DLGAP2: variants seen among roughly 807,000 people sequenced by gnomAD.
DLGAP2 encodes disks large-associated protein 2.
A neutral mutation model predicts 100.3 loss-of-function variants in DLGAP2; 26 were observed. The ratio of observed to expected loss-of-function variants is 0.26; its 90% CI spans 0.19 to 0.36. The LOEUF (loss-of-function observed/expected upper bound fraction) is 0.36. Ranked by LOEUF, DLGAP2 falls within the 10% of genes least tolerant of loss-of-function variation. The pLI, the probability that DLGAP2 is intolerant of heterozygous loss-of-function variation, is 1.00. For missense variants in DLGAP2, 1,858 were observed against 1,453.2 expected, an observed-to-expected ratio of 1.28 and a Z score of -4.53; for synonymous variants, 886 against 630.1, an observed-to-expected ratio of 1.41 and a Z score of -6.08.
chr8:1,378,455 A>C (rs1382782734), intron 3 of DLGAP2, among the ~76,000 whole-genome samples: 3 of 149,966 alleles, frequency 2.0e-5, no homozygotes, highest in African/African-American at 7.4e-5. Context: ...CATCCTGCGC[A>C]CACCTGACTT....
intron 2 of DLGAP2, among the ~76,000 whole-genome samples, chr8:1,056,819 A>G (rs927295812): frequency 6.6e-6 from 1 of 152,230 alleles, no homozygotes. Flanking sequence ...ACCAGCTGCA[A>G]TGAGTACATG....
At chr8:980,724 C>T (rs964617039) in intron 2 of DLGAP2, among the ~76,000 whole-genome samples, 1 of 152,064 alleles carries the variant, frequency 6.6e-6, no homozygotes, top group East Asian at 1.9e-4. Flanking sequence ...TCCGGGAGGA[C>T]ACGCTGGCTC....
intron 12 of DLGAP2, among the ~76,000 whole-genome samples, chr8:1,688,863 C>G (rs549406353): frequency 3.0e-4 from 45 of 152,328 alleles, no homozygotes; most frequent in South Asian, 6.2e-4. Context: ...GCCATAAGCC[C>G]TTTCAAATCA....
chr8:1,340,294 C>T (rs1287380102), intron 3 of DLGAP2, among the ~76,000 whole-genome samples: 1 of 152,180 alleles, frequency 6.6e-6, no homozygotes, highest in South Asian at 2.1e-4. Context: ...TCAGAGCAAA[C>T]AGGCAACCTA....
rs948787951 is a variant in DLGAP2, at chr8:868,753, CAG to C, written c.19-39158_19-39157del. 2.8e-4 allele frequency among the ~76,000 whole-genome samples: 43 copies of C among 152,290 alleles called. 1 individual carries two copies. Among genetic ancestry groups the C allele is most frequent in the African/African-American group, 9.9e-4 (41 of 41,564 alleles). ...TCACCTTGGAGTCCTCTTGCACAAA[CAG>C]TGTTCCCTCTTCAGGTGGATCACGT... On this transcript the variant is annotated intron_variant, in intron 1 of 14. Transcript: ENST00000637795.
At chr8:1,659,516 C>A (rs186425151) in intron 8 of DLGAP2, among the ~76,000 whole-genome samples, 2 of 152,330 alleles carry the variant, frequency 1.3e-5, no homozygotes, top group South Asian at 2.1e-4. Flanking sequence ...CTTTATGAAT[C>A]TGGGTGCTCC....
At chr8:1,193,647 C>A (rs1040438193) in intron 2 of DLGAP2, among the ~76,000 whole-genome samples, 15 of 152,160 alleles carry the variant, frequency 9.9e-5, no homozygotes, top group Non-Finnish European at 1.6e-4. Context: ...GCTTCCCTGG[C>A]ACGGCTGTTT....
chr8:807,182 C>T (rs552167663), intron 1 of DLGAP2, among the ~76,000 whole-genome samples: 31 of 152,224 alleles, frequency 2.0e-4, no homozygotes, highest in South Asian at 4.1e-4. Context: ...TCCTAAACTC[C>T]GAGTTCTTCT....
At position 1,347,212 on chromosome 8, in the gene DLGAP2, C is replaced by T. The variant is rs575344105; in HGVS notation, c.106+88329C>T. 5.9e-5 allele frequency among the ~76,000 whole-genome samples: 9 copies of T among 151,644 alleles called. No homozygotes were observed. In the East Asian group the frequency reaches 7.8e-4, roughly 13 times the overall value. On this transcript the variant is annotated intron_variant, in intron 3 of 14. Coordinates refer to ENST00000637795, the MANE Select transcript of DLGAP2 (RefSeq NM_001346810.2). The stretch of plus-strand genomic sequence containing the variant: ...TGGCGGCTGTGTGGAGGTAGAGTTC[C>T]TACACAGAGCTGCATTGCTCTAATG...
intron 2 of DLGAP2, among the ~76,000 whole-genome samples, chr8:1,070,407 G>C (rs545370204): frequency 1.3e-5 from 2 of 152,184 alleles, no homozygotes; most frequent in Non-Finnish European, 2.9e-5. Flanking sequence ...AGGGAGGTGT[G>C]TGGATTTCAC....
At chr8:1,198,008 G>A (rs1321227190) in intron 2 of DLGAP2, among the ~76,000 whole-genome samples, 3 of 152,138 alleles carry the variant, frequency 2.0e-5, no homozygotes, top group Non-Finnish European at 4.4e-5. Flanking sequence ...GAGTAGCCTG[G>A]GTCATTCAGG....
intron 2 of DLGAP2, among the ~76,000 whole-genome samples, chr8:1,193,433 G>C (rs1431789182): frequency 6.6e-6 from 1 of 152,168 alleles, no homozygotes; most frequent in East Asian, 1.9e-4. Flanking sequence ...GTGATGATGA[G>C]CATTTTTTCA....
chr8:1,630,911 TGGGCGGGAGG>T lies in DLGAP2; in HGVS notation c.1591-1915_1591-1906del, dbSNP rs1332398112. Among the ~76,000 whole-genome samples the T allele has an allele frequency of 1.0e-4, 14 of 139,328 alleles. No individual in the cohort carries two copies. In the East Asian group the frequency reaches 2.7e-3, roughly 27 times the overall value. The allele number at this position is 139,328 out of a possible 152,430, so 91.4% of individuals were successfully genotyped here. ...GGGAGGTCCGGGTGTCCCGAGGGTC[TGGGCGGGAGG>T]TCCGGGTGTCCCGAGGGTCTCGGCG... On this transcript the variant is annotated intron_variant, in intron 7 of 14. Coordinates refer to ENST00000637795, the MANE Select transcript of DLGAP2 (RefSeq NM_001346810.2).
intron 2 of DLGAP2, among the ~76,000 whole-genome samples, chr8:1,067,955 A>G (rs1029281553): frequency 6.6e-6 from 1 of 150,428 alleles, no homozygotes; most frequent in Admixed American, 6.6e-5. Flanking sequence ...TGCTCCGCCC[A>G]CTCCTCCCTC....
At chr8:781,641 A>G (rs1034222152) in intron 1 of DLGAP2, among the ~76,000 whole-genome samples, 3 of 152,156 alleles carry the variant, frequency 2.0e-5, no homozygotes, top group Non-Finnish European at 2.9e-5. Context: ...AAGAGGACAA[A>G]GAAGTTCGTT....
At chr8:1,155,540 A>ATGTGATGTGTGATG (rs201663695) in intron 2 of DLGAP2, among the ~76,000 whole-genome samples, 3,869 of 152,150 alleles carry the variant, frequency 0.025, 188 homozygotes, top group African/African-American at 0.088. Flanking sequence ...ACGACAGCAT[A>ATGTGATGTGTGATG]TGTGATGTGT....
rs190758915 is a variant in DLGAP2 at position 1,065,143 on chromosome 8, A to G, written c.73+157177A>G. ...TATTCACTCTCTCAGTTTAAAATAC[A>G]GAGTTATTCACCCCTGAGCTTCTGT... On this transcript the variant is annotated intron_variant, in intron 2 of 14. Transcript: ENST00000637795. Among the ~76,000 whole-genome samples, 447 of 152,324 alleles carry G rather than the reference A, an allele frequency of 2.9e-3. 3 individuals carry two copies. The highest frequency in any genetic ancestry group is 4.5e-3 in the Non-Finnish European group (307 of 68,026).
At chr8:1,273,431 G>C (rs187308009) in intron 3 of DLGAP2, among the ~76,000 whole-genome samples, 13 of 152,276 alleles carry the variant, frequency 8.5e-5, no homozygotes, top group African/African-American at 2.4e-4. Context: ...AGACCCAGGG[G>C]GTCAATGTGC....
intron 2 of DLGAP2, among the ~76,000 whole-genome samples, chr8:989,117 G>T (rs538895872): frequency 1.3e-5 from 2 of 152,232 alleles, no homozygotes; most frequent in Non-Finnish European, 2.9e-5. Context: ...CCGCAGTGCA[G>T]TCCCAGCCTT....
Sources: allele counts gnomAD v4.1 joint callset (sites outside exome capture counted in the v4.1 genomes callset), GRCh38; gene constraint gnomAD v4.1.1; transcripts MANE v1.5; gene names NCBI Gene and HGNC (gene_info 2026-07-23, HGNC 2026-07-21).